The following NNT variants were observed in gnomAD, a reference collection of about 807,000 sequenced individuals.
NNT encodes NAD(P) transhydrogenase, mitochondrial.
NNT carries 50 observed loss-of-function variants against 104.8 expected under a neutral mutation model. The ratio of observed to expected loss-of-function variants is 0.48; its 90% confidence interval spans 0.38 to 0.60. NNT has a LOEUF of 0.60. Among genes scored for constraint, NNT ranks in the 20% least tolerant of loss-of-function variants. NNT has a pLI of 0.00. For missense variants in NNT, 1,131 were observed against 1,330.7 expected (o/e 0.85, Z 2.33); for synonymous variants, 461 against 490.4 (o/e 0.94, Z 0.79).
At chr5:43,603,043 T>C (rs1749004806), upstream of NNT, 1 of 150,626 alleles carries the variant, frequency 6.6e-6, no homozygotes, top group Non-Finnish European at 1.5e-5. Flanking sequence ...TTTCGTGAGG[T>C]CGCCTTTTGG....
chr5:43,608,418 C>T (rs1367602885), intron 1 of NNT, among the ~76,000 whole-genome samples: 1 of 152,138 alleles, frequency 6.6e-6, no homozygotes, highest in Non-Finnish European at 1.5e-5. Context: ...CAAAAAGTGG[C>T]CATTTGTGAG....
chr5:43,642,005 G>T (rs1276643384), intron 7 of NNT, among the ~76,000 whole-genome samples: 1 of 152,234 alleles, frequency 6.6e-6, no homozygotes, highest in Non-Finnish European at 1.5e-5. Flanking sequence ...GTCTTGCAAA[G>T]TGGTAGCATA....
intron 5 of NNT, among the ~76,000 whole-genome samples, chr5:43,620,909 A>G (rs894302569): frequency 7.2e-5 from 11 of 152,232 alleles, no homozygotes; most frequent in African/African-American, 2.7e-4. Context: ...AGCTGTGAAT[A>G]AAAGATATTA....
At chr5:43,698,168 T>C (rs887724888) in intron 19 of NNT, among the ~76,000 whole-genome samples, 1 of 151,778 alleles carries the variant, frequency 6.6e-6, no homozygotes, top group Non-Finnish European at 1.5e-5. Context: ...TTATATAATA[T>C]ATAATCTTGT....
Position 43,655,867 on chromosome 5 carries a change from T to G in NNT, c.2087T>G (p.Ile696Ser), listed in dbSNP as rs1395994817. 1 of 1,614,236 alleles carries G rather than the reference T, an allele frequency of 6.2e-7. No individual in the cohort carries two copies. The highest frequency in any genetic ancestry group is 8.5e-7 in the Non-Finnish European group (1 of 1,180,038). Residue 696 changes from isoleucine to serine, a missense_variant, in exon 15 of 22, where the codon ATT becomes AGT. Physicochemically the swap from Ile to Ser is moderately radical, Grantham distance 142 (BLOSUM62 -2). Transcript: ENST00000344920. ...IGLTIAKRIQ[I>S]SDLPQLVAAF... ...TTGACAATTGCCAAACGCATCCAGA[T>G]TTCTGATTTACCTCAATTAGTTGCT...
At chr5:43,648,631 G>C (rs1465238048) in intron 10 of NNT, among the ~76,000 whole-genome samples, 1 of 152,094 alleles carries the variant, frequency 6.6e-6, no homozygotes, top group Non-Finnish European at 1.5e-5. Flanking sequence ...TATGTTTTGG[G>C]GAGGTGCTGG....
At chr5:43,695,241 CT>C (rs1407632602) in intron 19 of NNT, among the ~76,000 whole-genome samples, 3 of 152,178 alleles carry the variant, frequency 2.0e-5, no homozygotes, top group Non-Finnish European at 4.4e-5. Context: ...ATCTATAGCT[CT>C]TTTCAGGTCT....
At chr5:43,667,666 A>T (rs1339780528) in intron 17 of NNT, among the ~76,000 whole-genome samples, 1 of 152,096 alleles carries the variant, frequency 6.6e-6, no homozygotes, top group Non-Finnish European at 1.5e-5. Context: ...CCAGTCTATC[A>T]TTGGTGGACA....
Position 43,631,012 on chromosome 5 carries a change from G to T in NNT, c.964+2625G>T, listed in dbSNP as rs75869217. On this transcript the variant is annotated intron_variant, in intron 7 of 21. Coordinates refer to ENST00000344920, the MANE Select transcript of NNT (RefSeq NM_182977.3). ...TGGCTAATATAAACCCAAGGACAAAGAATTGATTGGCATCAGATCTGTGAG... is the reference window on the plus strand; with the variant it reads ...TGGCTAATATAAACCCAAGGACAAATAATTGATTGGCATCAGATCTGTGAG... 5.8e-3 allele frequency among the ~76,000 whole-genome samples: 876 copies of T among 152,296 alleles called. 31 individuals are homozygous for T. In the East Asian group the frequency reaches 0.1, roughly 18 times the overall value.
intron 2 of NNT, among the ~76,000 whole-genome samples, chr5:43,612,580 T>C (rs1749555883): frequency 6.6e-6 from 1 of 152,186 alleles, no homozygotes; most frequent in African/African-American, 2.4e-5. Flanking sequence ...GTTTGAAGAA[T>C]GGAGTCAGCA....
intron 10 of NNT, among the ~76,000 whole-genome samples, chr5:43,648,866 TAC>T (rs1739596544): frequency 6.6e-6 from 1 of 152,192 alleles, no homozygotes; most frequent in African/African-American, 2.4e-5. Context: ...GAGGACAAAC[TAC>T]ACAGAGGAAA....
chr5:43,633,627 G>A (rs984093352), intron 7 of NNT, among the ~76,000 whole-genome samples: 2 of 152,172 alleles, frequency 1.3e-5, no homozygotes, highest in Non-Finnish European at 2.9e-5. Flanking sequence ...GTCTCCCAGT[G>A]AGTGCAGCAG....
chr5:43,685,044 A>G (rs776486583), intron 19 of NNT, among the ~76,000 whole-genome samples: 4 of 152,190 alleles, frequency 2.6e-5, no homozygotes, highest in Non-Finnish European at 5.9e-5. Flanking sequence ...TTGGGACAAA[A>G]CAGTGTGCAA....
At position 43,629,573 on chromosome 5, in the gene NNT, A is replaced by G. The variant is rs900304054; in HGVS notation, c.964+1186A>G. ...CCATGCTGCTTTCCATAGTGGTTGT[A>G]CTAGTTTACATTCCCACTAGCAGTG... is the stretch of plus-strand genomic sequence containing the variant. On this transcript the variant is annotated intron_variant, in intron 7 of 21. Transcript: ENST00000344920. Among the ~76,000 whole-genome samples, 6 of 152,208 alleles carry G rather than the reference A, an allele frequency of 3.9e-5. No individual in the cohort carries two copies. The South Asian group carries it at 8.3e-4, about 21-fold the overall frequency.
At chr5:43,677,587 A>G in intron 18 of NNT, 138 bp from the exon 19 acceptor site, 1 of 680,860 alleles carries the variant, frequency 1.5e-6, no homozygotes. Flanking sequence ...CCAGCTTATA[A>G]ATTTGCTTTC....
chr5:43,629,283 G>C lies in NNT; in HGVS notation c.964+896G>C, dbSNP rs1004436468. On this transcript the variant is annotated intron_variant, in intron 7 of 21. Transcript: ENST00000344920. ...AATAATGGTCTCTAACTCCATCCAA[G>C]TTTCTGTGAATGCCATTATTTTGTT... Among the ~76,000 whole-genome samples, 3 of 152,134 alleles carry C rather than the reference G, an allele frequency of 2.0e-5. No homozygotes were observed. In the East Asian group the frequency reaches 5.8e-4, roughly 29 times the overall value.
At chr5:43,663,553 T>G (rs1433686478) in intron 17 of NNT, among the ~76,000 whole-genome samples, 1 of 152,250 alleles carries the variant, frequency 6.6e-6, no homozygotes, top group African/African-American at 2.4e-5. Flanking sequence ...TAAACCTTCT[T>G]TATGCTTCTT....
chr5:43,682,192 ACTGT>A (rs1363473081), intron 19 of NNT, among the ~76,000 whole-genome samples: 2 of 146,414 alleles, frequency 1.4e-5, no homozygotes, highest in African/African-American at 5.0e-5. Flanking sequence ...TGTCCATCTA[ACTGT>A]CTAACTGGAT....
intron 19 of NNT, among the ~76,000 whole-genome samples, chr5:43,698,209 T>A (rs1369455813): frequency 6.6e-6 from 1 of 151,616 alleles, no homozygotes; most frequent in Non-Finnish European, 1.5e-5. Context: ...TATATGAAAA[T>A]ATATATATAT....
Sources: gnomAD v4.1 joint callset for allele counts (sites outside exome capture counted in the v4.1 genomes callset) on GRCh38, gnomAD v4.1.1 for gene constraint, MANE v1.5 for transcripts, NCBI Gene and HGNC (gene_info 2026-07-23, HGNC 2026-07-21) for gene names.